Variants in TNRC6B observed in about 807,000 individuals in gnomAD.
The protein encoded by TNRC6B is trinucleotide repeat containing adaptor 6B.
A neutral mutation model predicts 203.6 loss-of-function variants in TNRC6B; 52 were observed. That is an observed-to-expected ratio of 0.26 (90% confidence interval 0.20 to 0.32). The LOEUF is 0.32. Ranked by LOEUF, TNRC6B falls within the 10% of genes least tolerant of loss-of-function variation. The pLI, the probability that TNRC6B is intolerant of heterozygous loss-of-function variation, is 1.00. For synonymous variants in TNRC6B, 838 were observed against 845.7 expected (o/e 0.99, Z 0.16); for missense variants, 1,923 against 2,286.2 (o/e 0.84, Z 3.24).
At position 40,330,268 on chromosome 22, in the gene TNRC6B, ATGC is replaced by A. The variant is rs1402820370; in HGVS notation, c.*7030_*7032del. On this transcript the variant is annotated 3_prime_UTR_variant, in exon 23 of 23. Transcript: ENST00000454349. ...AAGAAAGTTGTCAAGGTGGCTTATG[ATGC>A]TGTTGTAGCAGAGCTGTGAAAGGAA... is the stretch of plus-strand genomic sequence containing the variant. 1 of 152,092 alleles carries A rather than the reference ATGC, an allele frequency of 6.6e-6. No individual in the cohort carries two copies. Among genetic ancestry groups the A allele is most frequent in the African/African-American group, 2.4e-5 (1 of 41,396 alleles). The allele number at this position is 152,092 out of a possible 1,614,324, so 9.4% of individuals were successfully genotyped here.
intron 1 of TNRC6B, among the ~76,000 whole-genome samples, chr22:40,109,641 TAAAC>T (rs2068315869): frequency 1.3e-5 from 2 of 152,324 alleles, no homozygotes; most frequent in East Asian, 1.9e-4. Context: ...AAAATTAAGA[TAAAC>T]AAGAGCTCTT....
In TNRC6B at chr22:40,065,559, A is replaced by G. The variant is rs191430251; in HGVS notation, c.-121+20561A>G. ...TTTGTGTCTTTCTAGGAATTTGTCT[A>G]TTTCATCTAGGTTTTCTAATTTGTT... On this transcript the variant is annotated intron_variant, in intron 1 of 23. Transcript: ENST00000301923. 2.3e-3 allele frequency among the ~76,000 whole-genome samples: 344 copies of G among 152,088 alleles called. 1 individual carries two copies. The highest frequency in any genetic ancestry group is 7.9e-3 in the African/African-American group (326 of 41,428).
chr22:40,179,968 TAATA>T (rs2069111170), intron 1 of TNRC6B, among the ~76,000 whole-genome samples: 1 of 152,232 alleles, frequency 6.6e-6, no homozygotes, highest in Non-Finnish European at 1.5e-5. Flanking sequence ...TTAGTAATGG[TAATA>T]AATACAGAAG....
At chr22:40,164,840 C>T (rs1411804012) in intron 4 of TNRC6B, among the ~76,000 whole-genome samples, 1 of 146,258 alleles carries the variant, frequency 6.8e-6, no homozygotes, top group African/African-American at 2.6e-5. Flanking sequence ...TGCAGTGACA[C>T]GATCTTGGCT....
chr22:40,112,956 A>G (rs773238746), intron 1 of TNRC6B, among the ~76,000 whole-genome samples: 2 of 152,120 alleles, frequency 1.3e-5, no homozygotes, highest in African/African-American at 2.4e-5. Flanking sequence ...CCGACTAAAA[A>G]TAGAGCCAGG....
intron 1 of TNRC6B, among the ~76,000 whole-genome samples, chr22:40,078,472 C>T: frequency 6.6e-6 from 1 of 152,050 alleles, no homozygotes; most frequent in East Asian, 1.9e-4. Context: ...TGCAGTGAGC[C>T]CTGATTGTTC....
chr22:40,273,517 G>T lies in TNRC6B; in HGVS notation c.3058G>T (p.Val1020Phe), dbSNP rs1197601177. 1 of 1,600,638 alleles carries T rather than the reference G, an allele frequency of 6.2e-7. No individual in the cohort carries two copies. Among genetic ancestry groups the T allele is most frequent in the Middle Eastern group, 1.7e-4 (1 of 6,038 alleles). Residue 1020 changes from valine to phenylalanine, a missense_variant, in exon 7 of 23, where the codon GTC (valine) becomes TTC (phenylalanine). Physicochemically the swap from Val to Phe is conservative, Grantham distance 50. Transcript: ENST00000454349. Reference sequence around the variant, plus strand: ...CTGGGAAGAGGAGGAGGATGGAGGAGTCTGGAACACCACTGGCTCTCAGGG... The same window carrying T: ...CTGGGAAGAGGAGGAGGATGGAGGATTCTGGAACACCACTGGCTCTCAGGG... ...PSWEEEEDGG[V>F]WNTTGSQGSA...
exon 4 of TNRC6B, chr22:40,156,154 A>T: frequency 1.3e-6 from 2 of 1,580,502 alleles, no homozygotes; most frequent in African/African-American, 1.3e-5. Context: ...GCATGGCAAG[A>T]CTCCACCTCC....
intron 1 of TNRC6B, among the ~76,000 whole-genome samples, chr22:40,087,603 A>G (rs2068111802): frequency 6.6e-6 from 1 of 152,166 alleles, no homozygotes; most frequent in Non-Finnish European, 1.5e-5. Context: ...GTCTGAGAGG[A>G]CAGAAAGGCC....
chr22:40,127,868 C>T (rs2068507961), intron 3 of TNRC6B, among the ~76,000 whole-genome samples: 1 of 151,734 alleles, frequency 6.6e-6, no homozygotes, highest in Admixed American at 6.6e-5. Context: ...CAGACCCTGC[C>T]TCAAAAAAAA....
intron 1 of TNRC6B, among the ~76,000 whole-genome samples, chr22:40,204,207 ACT>A (rs1470058893): frequency 2.0e-5 from 3 of 151,968 alleles, no homozygotes; most frequent in African/African-American, 7.3e-5. Flanking sequence ...CTGTGTTCAG[ACT>A]CTGTGGGTTC....
In TNRC6B at chr22:40,326,311, A is replaced by T. The variant is rs1036603056; in HGVS notation, c.*3070A>T. The T allele has an allele frequency of 6.6e-6, 1 of 152,492 alleles. No homozygotes were observed. The highest frequency in any genetic ancestry group is 1.5e-5 in the Non-Finnish European group (1 of 67,952). The allele number at this position is 152,492 out of a possible 1,614,324, so 9.4% of individuals were successfully genotyped here. On this transcript the variant is annotated 3_prime_UTR_variant, in exon 23 of 23. Transcript: ENST00000454349. The stretch of plus-strand genomic sequence containing the variant: ...CAGAAAGTTTAAACAATTTTTACTT[A>T]AAAAAATGTAAAAAGAAAAGTCTCC...
intron 1 of TNRC6B, among the ~76,000 whole-genome samples, chr22:40,210,685 T>C (rs535709014): frequency 1.2e-4 from 19 of 152,248 alleles, no homozygotes; most frequent in African/African-American, 4.3e-4. Context: ...TCAGAAACTA[T>C]TAACATATTG....
chr22:40,085,111 G>A (rs912346698), intron 1 of TNRC6B, among the ~76,000 whole-genome samples: 3 of 152,170 alleles, frequency 2.0e-5, no homozygotes, highest in Non-Finnish European at 4.4e-5. Context: ...CTGTGGAAAG[G>A]CTCACATGGA....
intron 1 of TNRC6B, among the ~76,000 whole-genome samples, chr22:40,228,521 GTTTC>G (rs1045856387): frequency 2.0e-5 from 3 of 151,298 alleles, no homozygotes; most frequent in African/African-American, 4.9e-5. Context: ...TTGAGAAGCT[GTTTC>G]TTTTTTTTTT....
intron 16 of TNRC6B, among the ~76,000 whole-genome samples, chr22:40,309,195 G>T (rs1022661995): frequency 6.6e-6 from 1 of 152,220 alleles, no homozygotes; most frequent in African/African-American, 2.4e-5. Flanking sequence ...TTTCCTCTCA[G>T]TTTCTCTCTA....
At chr22:40,282,854 T>C (rs971530505) in intron 11 of TNRC6B, among the ~76,000 whole-genome samples, 1 of 152,130 alleles carries the variant, frequency 6.6e-6, no homozygotes, top group Admixed American at 6.5e-5. Context: ...GTAATTTTGT[T>C]TTTAATTTGT....
intron 6 of TNRC6B, among the ~76,000 whole-genome samples, chr22:40,271,316 G>A (rs1199845386): frequency 2.0e-5 from 3 of 152,130 alleles, no homozygotes; most frequent in African/African-American, 4.8e-5. Context: ...ATTATCTTTT[G>A]ATTAAATAAT....
chr22:40,096,044 GTTGA>G (rs1569258453), intron 1 of TNRC6B, among the ~76,000 whole-genome samples: 1 of 152,100 alleles, frequency 6.6e-6, no homozygotes, highest in African/African-American at 2.4e-5. Context: ...GTCTTACTGA[GTTGA>G]TTGTCTTAGA....
Sources: allele counts gnomAD v4.1 joint callset (sites outside exome capture counted in the v4.1 genomes callset), GRCh38; gene constraint gnomAD v4.1.1; transcripts MANE v1.5; gene names NCBI Gene and HGNC (gene_info 2026-07-23, HGNC 2026-07-21).